Variants in PUS7L observed in about 807,000 individuals in gnomAD.
The protein encoded by PUS7L is pseudouridylate synthase PUS7L.
In PUS7L, 49 loss-of-function variants were observed where a neutral mutation model predicts 51.1. The observed-to-expected ratio is 0.96, with a 90% CI of 0.76 to 1.22. The LOEUF (loss-of-function observed/expected upper bound fraction) is 1.22. Among genes scored for constraint, PUS7L ranks in the 50% most tolerant of loss-of-function variants. The pLI is 0.00. For synonymous variants in PUS7L, 277 were observed against 276.2 expected (o/e 1.00, Z -0.03); for missense variants, 828 against 820.6 (o/e 1.01, Z -0.11).
At chr12:43,732,269 C>T (rs1944574636) in intron 7 of PUS7L, among the ~76,000 whole-genome samples, 1 of 151,832 alleles carries the variant, frequency 6.6e-6, no homozygotes, top group Non-Finnish European at 1.5e-5. Context: ...TAGGGAAATC[C>T]TGTCTATATA....
chr12:43,757,221 A>G (rs1938779148), intron 1 of PUS7L, among the ~76,000 whole-genome samples: 1 of 152,150 alleles, frequency 6.6e-6, no homozygotes, highest in Non-Finnish European at 1.5e-5. Context: ...TCCAGGCTGG[A>G]GTGCAGTGGC....
Position 43,742,506 on chromosome 12 carries a change from C to T in PUS7L, c.1313G>A (p.Arg438Lys). 1 of 1,609,818 alleles carries T rather than the reference C, an allele frequency of 6.2e-7. No individual in the cohort carries two copies. The highest frequency in any genetic ancestry group is 1.3e-5 in the African/African-American group (1 of 74,750). The change falls in exon 5 of 9, where the codon AGG becomes AAG. Residue 438 changes from arginine to lysine, a missense_variant. Physicochemically the swap from Arg to Lys is conservative, Grantham distance 26. Transcript: ENST00000344862. Reference protein sequence around the residue: ...YYGPQRFGKGRKVHTDQIGLA... With the variant: ...YYGPQRFGKGKKVHTDQIGLA... Reference sequence around the variant, plus strand: ...TCCAATTTGGTCTGTGTGAACTTTCCTTCCCTTCCCAAATCTCTGTGGTCC... The same window carrying T: ...TCCAATTTGGTCTGTGTGAACTTTCTTTCCCTTCCCAAATCTCTGTGGTCC...
rs1939067261 is a variant in PUS7L, at chr12:43,758,780, A to T, written c.-67T>A. On this transcript the variant is annotated 5_prime_UTR_variant, in exon 1 of 9. Transcript: ENST00000344862. ...TGCACAACGCTGTGCGCATGCCCGG[A>T]AGCCTTAAGTGTTTCAGCCTCCGAC... 1 of 946,520 alleles carries T rather than the reference A, an allele frequency of 1.1e-6. No homozygotes were observed. The highest frequency in any genetic ancestry group is 6.2e-5 in the Admixed American group (1 of 16,176). 58.6% of individuals were successfully genotyped at this position (946,520 alleles called of 1,614,324 possible). A position where few individuals can be genotyped will look rare whatever the true frequency, so the allele number is the denominator to read the frequency against.
rs762769042 is a variant in PUS7L at position 43,730,196 on chromosome 12, C to A, written c.*180G>T. 7 of 564,560 alleles carry A rather than the reference C, an allele frequency of 1.2e-5. No individual in the cohort carries two copies. Among genetic ancestry groups the A allele is most frequent in the Middle Eastern group, 9.2e-4 (2 of 2,172 alleles). 35.0% of individuals were successfully genotyped at this position (564,560 alleles called of 1,614,324 possible). On this transcript the variant is annotated 3_prime_UTR_variant, in exon 9 of 9. Coordinates refer to ENST00000344862, the MANE Select transcript of PUS7L (RefSeq NM_031292.5). ...GGGTCACATGGACCTTAAATTTGGA[C>A]CCTGACACTTACATATCCTCTATAA...
chr12:43,739,174 G>C (rs1259234770), intron 5 of PUS7L: 1 of 152,108 alleles, frequency 6.6e-6, no homozygotes, highest in Non-Finnish European at 1.5e-5. Context: ...AACTCCAAAA[G>C]CAACCCTCAA....
intron 2 of PUS7L, among the ~76,000 whole-genome samples, chr12:43,751,448 T>C: frequency 6.6e-6 from 1 of 150,630 alleles, no homozygotes; most frequent in African/African-American, 2.4e-5. Flanking sequence ...ACATGCAGTG[T>C]TTGGTTTTTT....
In PUS7L at chr12:43,731,829, C is replaced by T. The variant is rs191070203; in HGVS notation, c.1726-71G>A. ...AAATTTCCACCACTTTCAATTTTCC[C>T]TAACTCTATTATATATAAATCAGTT... On this transcript the variant is annotated intron_variant, in intron 7 of 8. Coordinates refer to ENST00000344862, the MANE Select transcript of PUS7L (RefSeq NM_031292.5). 2.1e-3 allele frequency: 1,795 copies of T among 869,692 alleles called. 5 individuals carry two copies. Among genetic ancestry groups the T allele is most frequent in the Non-Finnish European group, 1.9e-3 (980 of 525,826 alleles). The allele number at this position is 869,692 out of a possible 1,614,324, so 53.9% of individuals were successfully genotyped here. A position where few individuals can be genotyped will look rare whatever the true frequency, so the allele number is the denominator to read the frequency against.
At chr12:43,758,662 CCCCCACACACACACA>C (rs1939024783) in intron 1 of PUS7L, 53 bp downstream of exon 1, 1 of 765,178 alleles carries the variant, frequency 1.3e-6, no homozygotes, top group African/African-American at 3.8e-5. Context: ...TCACCCCCCC[CCCCCACACACACACA>C]CACACACACA....
Position 43,729,096 on chromosome 12 carries a change from C to A in PUS7L, c.*1280G>T. On this transcript the variant is annotated 3_prime_UTR_variant, in exon 9 of 9. Coordinates refer to ENST00000344862, the MANE Select transcript of PUS7L (RefSeq NM_031292.5). ...CATTTTCTCATGAAACTAAATTGTT[C>A]ATTGCTTTTTTAAATAACTACATAT... is the stretch of plus-strand genomic sequence containing the variant. 1 of 393,308 alleles carries A rather than the reference C, an allele frequency of 2.5e-6. No individual in the cohort carries two copies. Among genetic ancestry groups the A allele is most frequent in the South Asian group, 1.4e-4 (1 of 7,246 alleles). 24.4% of individuals were successfully genotyped at this position (393,308 alleles called of 1,614,324 possible). A position where few individuals can be genotyped will look rare whatever the true frequency, so the allele number is the denominator to read the frequency against.
chr12:43,755,350 T>C, intron 1 of PUS7L, 89 bp from the exon 2 acceptor site: 1 of 735,348 alleles, frequency 1.4e-6, no homozygotes, highest in Non-Finnish European at 2.2e-6. Context: ...TTTAGTTAAT[T>C]CTGTCTCTCT....
Position 43,736,297 on chromosome 12 carries a change from G to A in PUS7L, c.1725+84C>T, listed in dbSNP as rs562250607. 3.3e-5 allele frequency: 36 copies of A among 1,101,368 alleles called. No individual in the cohort carries two copies. In the African/African-American group the frequency reaches 5.3e-4, roughly 16 times the overall value. The allele number at this position is 1,101,368 out of a possible 1,614,324, so 68.2% of individuals were successfully genotyped here. A position where few individuals can be genotyped will look rare whatever the true frequency, so the allele number is the denominator to read the frequency against. On this transcript the variant is annotated intron_variant, in intron 7 of 8. Coordinates refer to ENST00000344862, the MANE Select transcript of PUS7L (RefSeq NM_031292.5). ...TAAATAAATTACATGTATGTTTAAAGTGTTTCTATAATCAGGGCTTTTGAA... is the reference window on the plus strand; with the variant it reads ...TAAATAAATTACATGTATGTTTAAAATGTTTCTATAATCAGGGCTTTTGAA...
intron 4 of PUS7L, among the ~76,000 whole-genome samples, chr12:43,745,032 T>A (rs1490378674): frequency 6.6e-6 from 1 of 152,226 alleles, no homozygotes; most frequent in Non-Finnish European, 1.5e-5. Flanking sequence ...AAAGTTTTAT[T>A]GGAACACAGC....
At chr12:43,741,323 A>C (rs1301958731) in intron 5 of PUS7L, among the ~76,000 whole-genome samples, 1 of 152,204 alleles carries the variant, frequency 6.6e-6, no homozygotes, top group African/African-American at 2.4e-5. Flanking sequence ...CTTGTCTGGC[A>C]CTGTACTAGC....
At chr12:43,744,378 G>A (rs1200589796) in intron 4 of PUS7L, among the ~76,000 whole-genome samples, 5 of 152,114 alleles carry the variant, frequency 3.3e-5, no homozygotes, top group South Asian at 4.1e-4. Context: ...GAGTTCTCAC[G>A]ATAGTGAGTT....
At position 43,754,596 on chromosome 12, in the gene PUS7L, T is replaced by C. The variant is rs1938604529; in HGVS notation, c.650A>G (p.Asp217Gly). Residue 217 changes from aspartate to glycine, a missense_variant, in exon 2 of 9, where the codon GAC becomes GGC. Physicochemically the swap from Asp to Gly is moderately conservative, Grantham distance 94 (BLOSUM62 -1). Transcript: ENST00000344862. ...CHLVSEEEAF[D>G]FFKYLDAKKE... ...CTTTGCATCCAAATATTTAAAAAAG[T>C]CAAATGCTTCCTCTTCAGATACCAA... The C allele has an allele frequency of 1.2e-6, 2 of 1,611,224 alleles. No individual in the cohort carries two copies. Among genetic ancestry groups the C allele is most frequent in the African/African-American group, 1.3e-5 (1 of 74,706 alleles).
rs990444805 is a variant in PUS7L, at chr12:43,742,510, C to T, written c.1309G>A (p.Gly437Arg). 1 of 1,609,718 alleles carries T rather than the reference C, an allele frequency of 6.2e-7. No individual in the cohort carries two copies. Among genetic ancestry groups the T allele is most frequent in the African/African-American group, 1.3e-5 (1 of 74,698 alleles). Residue 437 changes from glycine to arginine, a missense_variant, in exon 5 of 9, where the codon GGA becomes AGA. Physicochemically the swap from Gly to Arg is moderately radical, Grantham distance 125. Coordinates refer to ENST00000344862, the MANE Select transcript of PUS7L (RefSeq NM_031292.5). Reference protein sequence around the residue: ...NYYGPQRFGKGRKVHTDQIGL... With the variant: ...NYYGPQRFGKRRKVHTDQIGL... ...ATTTGGTCTGTGTGAACTTTCCTTC[C>T]CTTCCCAAATCTCTGTGGTCCATAG... is the stretch of plus-strand genomic sequence containing the variant.
chr12:43,735,719 G>A (rs1944670316), intron 7 of PUS7L, among the ~76,000 whole-genome samples: 1 of 152,056 alleles, frequency 6.6e-6, no homozygotes, highest in Non-Finnish European at 1.5e-5. Context: ...TTGAGTCTCT[G>A]GAGGAAGCAC....
chr12:43,738,379 T>A lies in PUS7L; in HGVS notation c.1375A>T (p.Lys459Ter). 6.4e-7 allele frequency: 1 copy of A among 1,573,548 alleles called. No homozygotes were observed. Among genetic ancestry groups the A allele is most frequent in the Non-Finnish European group, 8.7e-7 (1 of 1,145,184 alleles). Residue 459 changes from lysine (K) to a stop codon, truncating the protein, a stop_gained, in exon 6 of 9, where the codon AAA becomes TAA. Transcript: ENST00000344862. LOFTEE classifies it high-confidence loss of function. ...LLKNEMMKAI[K>*]LFLTPEDLDD... is the part of the protein sequence containing the mutation. ...AAGTCTTCTGGTGTAAGAAACAATTTTATGGCTTTCATCTTAAAAAATCAA... is the reference window on the plus strand; with the variant it reads ...AAGTCTTCTGGTGTAAGAAACAATTATATGGCTTTCATCTTAAAAAATCAA...
At chr12:43,748,715 G>C (rs1216221050) in intron 2 of PUS7L, 106 bp from the exon 3 acceptor site, 3 of 956,778 alleles carry the variant, frequency 3.1e-6, no homozygotes, top group South Asian at 1.9e-5. Flanking sequence ...AATCTAAGGA[G>C]TTTTGTTGTT....
Sources: gnomAD v4.1 joint callset for allele counts (sites outside exome capture counted in the v4.1 genomes callset) on GRCh38, gnomAD v4.1.1 for gene constraint, MANE v1.5 for transcripts, NCBI Gene and HGNC (gene_info 2026-07-23, HGNC 2026-07-21) for gene names.